The following SVOPL variants were observed in gnomAD, a reference collection of about 807,000 sequenced individuals.
SVOPL encodes the protein SVOP like.
A neutral mutation model predicts 61.0 loss-of-function variants in SVOPL; 60 were observed. That is an observed-to-expected ratio of 0.98 (90% CI 0.80 to 1.22). The LOEUF is 1.22. Among genes scored for constraint, SVOPL ranks in the 50% most tolerant of loss-of-function variants. The probability of loss-of-function intolerance (pLI) is 0.00; values close to 1 mark genes in which losing one functional copy is unlikely to be tolerated. For missense variants in SVOPL, 662 were observed against 643.9 expected (o/e 1.03, Z -0.30); for synonymous variants, 279 against 250.0 (o/e 1.12, Z -1.09).
At chr7:138,675,553 G>A (rs1214739336) in intron 3 of SVOPL, among the ~76,000 whole-genome samples, 2 of 151,986 alleles carry the variant, frequency 1.3e-5, no homozygotes, top group Admixed American at 6.6e-5. Context: ...ATGAGGGTTT[G>A]CCATGTTGAT....
At chr7:138,626,417 G>A (rs1799897039) in intron 12 of SVOPL, among the ~76,000 whole-genome samples, 2 of 151,974 alleles carry the variant, frequency 1.3e-5, no homozygotes, top group South Asian at 2.1e-4. Context: ...TTTTAAGACA[G>A]AGTCTGGCTC....
intron 9 of SVOPL, among the ~76,000 whole-genome samples, chr7:138,641,740 G>A (rs1048027109): frequency 6.9e-6 from 1 of 144,654 alleles, no homozygotes; most frequent in Non-Finnish European, 1.5e-5. Context: ...AAGGAGAAAT[G>A]GAGAAAGTCA....
chr7:138,614,454 G>A (rs1799195581), intron 14 of SVOPL, among the ~76,000 whole-genome samples: 2 of 148,604 alleles, frequency 1.3e-5, no homozygotes, highest in South Asian at 2.1e-4. Context: ...GGAGTGCAAT[G>A]GCGCGATCTC....
chr7:138,661,601 C>T (rs1486852552), intron 5 of SVOPL: 58 of 985,154 alleles, frequency 5.9e-5, no homozygotes, highest in Non-Finnish European at 6.9e-5. Flanking sequence ...CACAATGTGA[C>T]GCTCATCCAT....
chr7:138,609,189 C>T (rs888603838), intron 14 of SVOPL, among the ~76,000 whole-genome samples: 1 of 152,146 alleles, frequency 6.6e-6, no homozygotes, highest in African/African-American at 2.4e-5. Context: ...GAAAGACTAA[C>T]ATCTGTGGCC....
intron 5 of SVOPL, chr7:138,660,565 A>G: frequency 2.0e-6 from 2 of 985,814 alleles, no homozygotes; most frequent in Non-Finnish European, 2.4e-6. Context: ...TACATGTAAT[A>G]TAATACATAA....
At chr7:138,684,427 G>A (rs1802761699) in intron 1 of SVOPL, among the ~76,000 whole-genome samples, 1 of 150,804 alleles carries the variant, frequency 6.6e-6, no homozygotes, top group Non-Finnish European at 1.5e-5. Context: ...AAACTCAAAT[G>A]ATGGGCAAAG....
chr7:138,625,010 C>T lies in SVOPL; in HGVS notation c.1263+959G>A, dbSNP rs561474692. ...GCCACTGCGCCCAGCCTGGAACCAA[C>T]GTTTATGGTTATCAATACTCCAATC... On this transcript the variant is annotated intron_variant, in intron 13 of 15. Transcript: ENST00000674285. 10 of 152,236 alleles carry T rather than the reference C, an allele frequency of 6.6e-5. No homozygotes were observed. In the East Asian group the frequency reaches 1.7e-3, roughly 26 times the overall value. The allele number at this position is 152,236 out of a possible 1,614,324, so 9.4% of individuals were successfully genotyped here. A position where few individuals can be genotyped will look rare whatever the true frequency, so the allele number is the denominator to read the frequency against.
At chr7:138,687,187 G>A (rs562578253) in intron 1 of SVOPL, among the ~76,000 whole-genome samples, 52 of 150,884 alleles carry the variant, frequency 3.4e-4, no homozygotes, top group Non-Finnish European at 7.1e-4. Flanking sequence ...CCATTTGAAG[G>A]GTGTTCTTTA....
chr7:138,630,035 C>T lies in SVOPL; in HGVS notation c.863+14G>A, dbSNP rs1659808. ...CTCTATTTAAAACTAGCTTTGAAATCATTACACTCTTACCATATGACCCAG... is the reference window on the plus strand; with the variant it reads ...CTCTATTTAAAACTAGCTTTGAAATTATTACACTCTTACCATATGACCCAG... On this transcript the variant is annotated intron_variant, in intron 10 of 15. Transcript: ENST00000674285. The T allele has an allele frequency of 1.2e-6, 2 of 1,608,810 alleles. No individual in the cohort carries two copies. The highest frequency in any genetic ancestry group is 1.7e-5 in the Admixed American group (1 of 59,936).
intron 1 of SVOPL, among the ~76,000 whole-genome samples, chr7:138,691,172 C>G (rs1288926670): frequency 1.3e-5 from 2 of 152,066 alleles, no homozygotes; most frequent in African/African-American, 4.8e-5. Flanking sequence ...AATAGTAATG[C>G]AAATCACAGC....
intron 14 of SVOPL, among the ~76,000 whole-genome samples, chr7:138,614,627 C>G (rs1799204688): frequency 6.6e-6 from 1 of 151,976 alleles, no homozygotes; most frequent in Admixed American, 6.6e-5. Flanking sequence ...AACTCCTGAC[C>G]TCAAATGATC....
intron 1 of SVOPL, chr7:138,689,474 C>A: frequency 1.1e-6 from 1 of 925,522 alleles, no homozygotes; most frequent in South Asian, 1.4e-5. Flanking sequence ...ACAAGGTTGC[C>A]CTGAAGAAAA....
chr7:138,603,444 A>G (rs1798613518), intron 14 of SVOPL, among the ~76,000 whole-genome samples: 1 of 152,060 alleles, frequency 6.6e-6, no homozygotes, highest in African/African-American at 2.4e-5. Context: ...AGCACTTTGG[A>G]AGGCTGAGGC....
At chr7:138,621,780 TTCTATCTA>T (rs1212023976) in intron 13 of SVOPL, among the ~76,000 whole-genome samples, 1 of 90,856 alleles carries the variant, frequency 1.1e-5, no homozygotes, top group East Asian at 2.9e-4. Context: ...TAACAGCATA[TTCTATCTA>T]TCTATCTATC....
chr7:138,638,937 CA>C (rs1800638732), intron 9 of SVOPL, among the ~76,000 whole-genome samples: 1 of 152,132 alleles, frequency 6.6e-6, no homozygotes, highest in South Asian at 2.1e-4. Flanking sequence ...TGAAACTGTG[CA>C]CACAAATAAG....
At chr7:138,648,474 G>T (rs1801235672) in intron 8 of SVOPL, among the ~76,000 whole-genome samples, 1 of 150,674 alleles carries the variant, frequency 6.6e-6, no homozygotes, top group Non-Finnish European at 1.5e-5. Flanking sequence ...GGCCGAGGCG[G>T]GTGGATCATG....
intron 3 of SVOPL, among the ~76,000 whole-genome samples, chr7:138,673,878 G>A (rs1194623171): frequency 6.6e-6 from 1 of 152,086 alleles, no homozygotes; most frequent in Non-Finnish European, 1.5e-5. Context: ...AGACCTCAGG[G>A]AAGGTCTTAA....
At chr7:138,668,205 C>T (rs118156375) in intron 4 of SVOPL, among the ~76,000 whole-genome samples, 2,326 of 152,242 alleles carry the variant, frequency 0.015, 40 homozygotes, top group Non-Finnish European at 0.019. Flanking sequence ...TCTAACCCAC[C>T]TAATCAGCAC....
Sources: allele counts gnomAD v4.1 joint callset (sites outside exome capture counted in the v4.1 genomes callset), GRCh38; gene constraint gnomAD v4.1.1; transcripts MANE v1.5; gene names NCBI Gene and HGNC (gene_info 2026-07-23, HGNC 2026-07-21).